Variants in ASIC2 observed in about 807,000 individuals in gnomAD.
ASIC2 encodes acid sensing ion channel subunit 2.
In ASIC2, 25 loss-of-function variants were observed where a neutral mutation model predicts 57.3. The ratio of observed to expected loss-of-function variants is 0.44; its 90% confidence interval spans 0.32 to 0.61. The LOEUF is 0.61. Ranked by LOEUF, ASIC2 falls within the 20% of genes least tolerant of loss-of-function variation. ASIC2 has a pLI of 0.06. For synonymous variants in ASIC2, 319 were observed against 307.5 expected (o/e 1.04, Z -0.39); for missense variants, 641 against 738.1 (o/e 0.87, Z 1.52).
intron 1 of ASIC2, among the ~76,000 whole-genome samples, chr17:33,370,194 C>T (rs1187408522): frequency 1.3e-5 from 2 of 152,126 alleles, no homozygotes; most frequent in Non-Finnish European, 2.9e-5. Flanking sequence ...TCTGAGCCCG[C>T]AATGCAGGCA....
rs151035303 is a variant in ASIC2, at chr17:33,353,936, A to G, written c.556-241869T>C. On this transcript the variant is annotated intron_variant, in intron 1 of 9. Coordinates refer to the ASIC2 transcript ENST00000359872. ...ATAAAGACATACCTAAGACTGGGTAATTTATAAAGGAAATAGGTTTAATGG... is the reference window on the plus strand; with the variant it reads ...ATAAAGACATACCTAAGACTGGGTAGTTTATAAAGGAAATAGGTTTAATGG... Among the ~76,000 whole-genome samples the G allele has an allele frequency of 1.9e-3, 290 of 152,320 alleles. 1 individual carries two copies. Among genetic ancestry groups the G allele is most frequent in the African/African-American group, 7.0e-3 (289 of 41,570 alleles).
chr17:33,983,741 G>T (rs988797407), intron 1 of ASIC2, among the ~76,000 whole-genome samples: 1 of 152,188 alleles, frequency 6.6e-6, no homozygotes, highest in Non-Finnish European at 1.5e-5. Context: ...GCTCTCAACT[G>T]GGGGCAGTTC....
At chr17:33,416,065 T>C (rs1407140028) in intron 1 of ASIC2, among the ~76,000 whole-genome samples, 2 of 152,144 alleles carry the variant, frequency 1.3e-5, no homozygotes, top group African/African-American at 4.8e-5. Context: ...TTTGCTGAAG[T>C]GTGTTGGGGG....
chr17:33,247,523 C>T (rs1398989905), intron 1 of ASIC2, among the ~76,000 whole-genome samples: 2 of 152,108 alleles, frequency 1.3e-5, no homozygotes, highest in Non-Finnish European at 1.5e-5. Flanking sequence ...TAGTTTTGAA[C>T]CTACCAGTAT....
chr17:33,958,748 G>A (rs1405775514), intron 1 of ASIC2, among the ~76,000 whole-genome samples: 1 of 152,154 alleles, frequency 6.6e-6, no homozygotes, highest in African/African-American at 2.4e-5. Flanking sequence ...TTTCCCTGTT[G>A]TCTTGGTGAT....
At chr17:33,113,961 C>T (rs1274330795) in intron 1 of ASIC2, among the ~76,000 whole-genome samples, 1 of 152,208 alleles carries the variant, frequency 6.6e-6, no homozygotes, top group Non-Finnish European at 1.5e-5. Flanking sequence ...CTCCTTTCTG[C>T]CTTGCTTTTC....
At chr17:33,535,923 G>A (rs1480730713) in intron 1 of ASIC2, among the ~76,000 whole-genome samples, 6 of 152,146 alleles carry the variant, frequency 3.9e-5, no homozygotes, top group African/African-American at 1.2e-4. Flanking sequence ...GGACTAAGTC[G>A]TTGAGATTTC....
At chr17:34,097,722 T>C (rs561412632) in intron 1 of ASIC2, among the ~76,000 whole-genome samples, 5 of 152,302 alleles carry the variant, frequency 3.3e-5, no homozygotes, top group African/African-American at 9.6e-5. Flanking sequence ...ATGGAATCCA[T>C]GATGTGGAAC....
At chr17:33,366,272 A>T (rs1908805412) in intron 1 of ASIC2, among the ~76,000 whole-genome samples, 1 of 152,256 alleles carries the variant, frequency 6.6e-6, no homozygotes, top group Non-Finnish European at 1.5e-5. Flanking sequence ...TTATGGTTGT[A>T]TAATTCTGGA....
intron 1 of ASIC2, among the ~76,000 whole-genome samples, chr17:33,598,623 A>G (rs1905044650): frequency 6.6e-6 from 1 of 152,192 alleles, no homozygotes; most frequent in Non-Finnish European, 1.5e-5. Context: ...ACAATTCCCC[A>G]CTTGATGTCA....
At chr17:33,321,318 T>G (rs898109686) in intron 1 of ASIC2, among the ~76,000 whole-genome samples, 1 of 152,218 alleles carries the variant, frequency 6.6e-6, no homozygotes, top group Non-Finnish European at 1.5e-5. Flanking sequence ...TTGCACATTC[T>G]TAGCATGTTA....
intron 1 of ASIC2, among the ~76,000 whole-genome samples, chr17:33,371,520 C>A (rs1909059426): frequency 6.6e-6 from 1 of 152,192 alleles, no homozygotes; most frequent in South Asian, 2.1e-4. Context: ...TTCCTTTCCT[C>A]CTTGAGGCTT....
chr17:33,311,195 A>G (rs997522604), intron 1 of ASIC2, among the ~76,000 whole-genome samples: 8 of 152,190 alleles, frequency 5.3e-5, no homozygotes, highest in African/African-American at 1.9e-4. Context: ...GATTTTTTCA[A>G]CCATGCTTCT....
chr17:33,249,054 G>C (rs967875771), intron 1 of ASIC2, among the ~76,000 whole-genome samples: 1 of 152,176 alleles, frequency 6.6e-6, no homozygotes, highest in East Asian at 1.9e-4. Flanking sequence ...AACAGTGCAG[G>C]CTGTGAGACA....
intron 1 of ASIC2, among the ~76,000 whole-genome samples, chr17:33,314,131 T>A: frequency 6.6e-6 from 1 of 152,186 alleles, no homozygotes; most frequent in Non-Finnish European, 1.5e-5. Context: ...GTCTATACTC[T>A]TTGTTATCTG....
chr17:33,194,279 G>A (rs899916858), intron 1 of ASIC2, among the ~76,000 whole-genome samples: 6 of 152,172 alleles, frequency 3.9e-5, no homozygotes, highest in African/African-American at 1.4e-4. Flanking sequence ...TGACCAAGAG[G>A]CCATTGCTGA....
At chr17:33,102,985 A>C (rs62068321) in intron 2 of ASIC2, among the ~76,000 whole-genome samples, 1 of 152,026 alleles carries the variant, frequency 6.6e-6, no homozygotes, top group Non-Finnish European at 1.5e-5. Context: ...GGGTTTCACC[A>C]TGTTCGCCAG....
At chr17:34,127,632 A>G (rs1279374740) in intron 1 of ASIC2, among the ~76,000 whole-genome samples, 2 of 151,380 alleles carry the variant, frequency 1.3e-5, no homozygotes, top group African/African-American at 4.9e-5. Context: ...CTGGACACAC[A>G]CTCTCTCCCT....
intron 1 of ASIC2, among the ~76,000 whole-genome samples, chr17:33,219,521 A>AT (rs1907617876): frequency 1.3e-5 from 2 of 152,320 alleles, no homozygotes; most frequent in Non-Finnish European, 2.9e-5. Context: ...TCTCCTCTTC[A>AT]TAGATGAAAA....
Sources: gnomAD v4.1 joint callset for allele counts (sites outside exome capture counted in the v4.1 genomes callset) on GRCh38, gnomAD v4.1.1 for gene constraint, MANE v1.5 for transcripts, NCBI Gene and HGNC (gene_info 2026-07-23, HGNC 2026-07-21) for gene names.